LRIF1: variants seen among roughly 807,000 people sequenced by gnomAD.
The protein encoded by LRIF1 is ligand dependent nuclear receptor interacting factor 1, also known as ligand-dependent nuclear receptor-interacting factor 1.
LRIF1 carries 32 observed loss-of-function variants against 52.7 expected under a neutral mutation model. The ratio of observed to expected loss-of-function variants is 0.61; its 90% CI spans 0.46 to 0.82. The LOEUF (loss-of-function observed/expected upper bound fraction) is 0.82, where lower values mean the gene tolerates loss of function less well. LRIF1 is among the 40% of genes least tolerant of loss of function. The pLI is 0.00. For synonymous variants in LRIF1, 323 were observed against 317.4 expected (o/e 1.02, Z -0.19); for missense variants, 887 against 892.0 (o/e 0.99, Z 0.07).
At chr1:110,894,899 C>G in the LRIF1 span, 5 of 1,310,028 alleles carry the variant, frequency 3.8e-6, no homozygotes, top group Non-Finnish European at 5.5e-6. Flanking sequence ...CTGGAAATTC[C>G]TTATTCCTTG....
chr1:110,958,450 A>G (rs1474263286), intron 1 of LRIF1, among the ~76,000 whole-genome samples: 1 of 55,934 alleles, frequency 1.8e-5, no homozygotes, highest in East Asian at 4.9e-4. Context: ...TCTATTAGCT[A>G]ATTTTTTAAA....
At chr1:110,884,348 A>G in the LRIF1 span, among the ~76,000 whole-genome samples, 1 of 152,068 alleles carries the variant, frequency 6.6e-6, no homozygotes, top group Non-Finnish European at 1.5e-5. Flanking sequence ...TGCTAATTCA[A>G]TTCCTTCTAA....
At chr1:110,958,016 T>G (rs1658777552) in intron 1 of LRIF1, among the ~76,000 whole-genome samples, 3 of 152,238 alleles carry the variant, frequency 2.0e-5, no homozygotes, top group Non-Finnish European at 4.4e-5. Context: ...GTTGTTTTTC[T>G]GATTGCAGCC....
chr1:110,886,865 A>ATTTTTT, the LRIF1 span, among the ~76,000 whole-genome samples: 2 of 44,366 alleles, frequency 4.5e-5, no homozygotes, highest in African/African-American at 7.3e-5. Flanking sequence ...ATATATATAT[A>ATTTTTT]TATATTTTTT....
the LRIF1 span, among the ~76,000 whole-genome samples, chr1:110,923,530 A>T: frequency 6.6e-6 from 1 of 152,202 alleles, no homozygotes; most frequent in Non-Finnish European, 1.5e-5. Context: ...TTTTATCATG[A>T]TGCAATTTTG....
chr1:110,952,090 G>T lies in LRIF1; in HGVS notation c.794C>A (p.Thr265Asn), dbSNP rs1169452848. 2 of 1,614,170 alleles carry T rather than the reference G, an allele frequency of 1.2e-6. No individual in the cohort carries two copies. Among genetic ancestry groups the T allele is most frequent in the South Asian group, 2.2e-5 (2 of 91,080 alleles). Residue 265 changes from threonine to asparagine, a missense_variant, in exon 2 of 4, where the codon ACC (threonine) becomes AAC (asparagine). Thr to Asn is a moderately conservative substitution (Grantham distance 65). Transcript: ENST00000369763. ...AGCAACATTCTTTGGAATTTGTGTG[G>T]TATTTAGTATTACTGGCTTTGCTAT... ...TEIAKPVILNTTQIPKNVATE... is the reference protein window; with the variant it reads ...TEIAKPVILNNTQIPKNVATE...
At chr1:110,944,820 C>T (rs972235295), downstream of LRIF1, 1 of 151,310 alleles carries the variant, frequency 6.6e-6, no homozygotes, top group East Asian at 1.9e-4. Flanking sequence ...TGGTAAAAAA[C>T]GTTTTGAGGC....
chr1:110,891,267 C>T, the LRIF1 span: 3 of 682,694 alleles, frequency 4.4e-6, no homozygotes, highest in Non-Finnish European at 5.2e-6. Flanking sequence ...TTTGGGGAAA[C>T]TTTCCAGAGG....
At position 110,950,206 on chromosome 1, in the gene LRIF1, C is replaced by G. The variant is rs1281256208; in HGVS notation, c.1597-83G>C. 11 of 1,444,818 alleles carry G rather than the reference C, an allele frequency of 7.6e-6. No homozygotes were observed. The East Asian group carries it at 2.5e-4, about 33-fold the overall frequency. 89.5% of individuals were successfully genotyped at this position (1,444,818 alleles called of 1,614,324 possible). A position where few individuals can be genotyped will look rare whatever the true frequency, so the allele number is the denominator to read the frequency against. ...TTAAGCAACTAAGTGATTATTTCAT[C>G]TTACATAAAAGAACATATCATGCTT... On this transcript the variant is annotated intron_variant, in intron 2 of 3. Transcript: ENST00000369763.
At chr1:110,914,139 G>A in the LRIF1 span, among the ~76,000 whole-genome samples, 4 of 151,998 alleles carry the variant, frequency 2.6e-5, no homozygotes, top group African/African-American at 9.7e-5. Context: ...AACAGACACC[G>A]TGGTTACTTG....
At chr1:110,892,568 G>A in the LRIF1 span, 19 of 1,540,080 alleles carry the variant, frequency 1.2e-5, no homozygotes, top group Middle Eastern at 2.0e-4. Context: ...GCCCCAAGTC[G>A]GGGAGATGGT....
chr1:110,877,872 G>C, the LRIF1 span, among the ~76,000 whole-genome samples: 1 of 152,130 alleles, frequency 6.6e-6, no homozygotes, highest in East Asian at 1.9e-4. Flanking sequence ...GACGTACAGC[G>C]ATAACTTTGA....
Position 110,952,706 on chromosome 1 carries a change from G to T in LRIF1, c.178C>A (p.Gln60Lys). 6.2e-7 allele frequency: 1 copy of T among 1,613,942 alleles called. No homozygotes were observed. Among genetic ancestry groups the T allele is most frequent in the South Asian group, 1.1e-5 (1 of 91,040 alleles). The stretch of plus-strand genomic sequence containing the variant: ...AAAGCATCAGACATGACTGAAGATT[G>T]AACTAGTGGTATAAGATTTCCAGAA... ...KSSGNLIPLV[Q>K]SSVMSDALKG... Residue 60 changes from glutamine (Q) to lysine (K), a missense_variant, in exon 2 of 4, where the codon CAA becomes AAA. By Grantham distance (53) the Gln-to-Lys change is moderately conservative. Coordinates refer to ENST00000369763, the MANE Select transcript of LRIF1 (RefSeq NM_018372.4).
chr1:110,879,227 A>G, the LRIF1 span, among the ~76,000 whole-genome samples: 1 of 152,190 alleles, frequency 6.6e-6, no homozygotes, highest in Non-Finnish European at 1.5e-5. Context: ...GCAGATACAC[A>G]GGGACTGAGC....
At chr1:110,945,851 A>G (rs1658192594), downstream of LRIF1, among the ~76,000 whole-genome samples, 1 of 152,214 alleles carries the variant, frequency 6.6e-6, no homozygotes, top group African/African-American at 2.4e-5. Context: ...TTGACTACTG[A>G]ATCTAGTAAT....
the LRIF1 span, among the ~76,000 whole-genome samples, chr1:110,896,946 C>T: frequency 6.6e-6 from 1 of 152,184 alleles, no homozygotes; most frequent in Non-Finnish European, 1.5e-5. Context: ...ATTGATCTTG[C>T]TACACTAGAC....
At chr1:110,906,122 C>T in the LRIF1 span, among the ~76,000 whole-genome samples, 2 of 151,504 alleles carry the variant, frequency 1.3e-5, no homozygotes, top group South Asian at 2.1e-4. Flanking sequence ...GAGAAGACCA[C>T]AAAACAACTA....
the LRIF1 span, among the ~76,000 whole-genome samples, chr1:110,916,012 A>G: frequency 4.6e-4 from 70 of 152,294 alleles, no homozygotes; most frequent in Middle Eastern, 3.4e-3. Context: ...GTGGTGGAAA[A>G]TATCTTTTAG....
At chr1:110,885,407 A>G in the LRIF1 span, among the ~76,000 whole-genome samples, 311 of 152,196 alleles carry the variant, frequency 2.0e-3, 1 homozygote, top group East Asian at 0.01. Context: ...ACGTGGTGGC[A>G]GGCGCCTGTA....
Sources: gnomAD v4.1 joint callset for allele counts (sites outside exome capture counted in the v4.1 genomes callset) on GRCh38, gnomAD v4.1.1 for gene constraint, MANE v1.5 for transcripts, NCBI Gene and HGNC (gene_info 2026-07-23, HGNC 2026-07-21) for gene names.